Variants in RDH13 observed in about 807,000 individuals in gnomAD.
RDH13 encodes the protein retinol dehydrogenase 13 (all-trans and 9-cis).
Under a neutral mutation model 28.3 loss-of-function variants are expected in RDH13, and 35 were observed. The ratio of observed to expected loss-of-function variants is 1.24; its 90% CI spans 0.95 to 1.64. RDH13 has a LOEUF of 1.64. Ranked by LOEUF, RDH13 falls within the 40% of genes most tolerant of loss-of-function variation. The pLI, the probability that RDH13 is intolerant of heterozygous loss-of-function variation, is 0.00. For missense variants in RDH13, 514 were observed against 446.3 expected, an observed-to-expected ratio of 1.15 and a Z score of -1.37; for synonymous variants, 229 against 198.5, an observed-to-expected ratio of 1.15 and a Z score of -1.29.
chr19:55,066,609 CCTCT>C (rs1431271300), upstream of RDH13, among the ~76,000 whole-genome samples: 1 of 148,832 alleles, frequency 6.7e-6, no homozygotes. Context: ...CTTTTTTCTT[CCTCT>C]CTTCTTGTCT....
intron 2 of RDH13, among the ~76,000 whole-genome samples, chr19:55,058,402 C>A (rs778530731): frequency 2.5e-4 from 37 of 150,540 alleles, no homozygotes; most frequent in African/African-American, 8.8e-4. Context: ...AAAAAAAAAA[C>A]AATAATAATA....
chr19:55,060,862 G>A (rs2075787370), intron 1 of RDH13, among the ~76,000 whole-genome samples: 1 of 151,394 alleles, frequency 6.6e-6, no homozygotes, highest in South Asian at 2.1e-4. Context: ...CCCGCTGCAC[G>A]AGATTCCCAA....
intron 3 of RDH13, among the ~76,000 whole-genome samples, chr19:55,048,974 G>C (rs2075337209): frequency 6.6e-6 from 1 of 152,158 alleles, no homozygotes; most frequent in South Asian, 2.1e-4. Context: ...AACAGAGACA[G>C]AGACACATGG....
chr19:55,050,107 A>G, intron 3 of RDH13, among the ~76,000 whole-genome samples: 1 of 122,226 alleles, frequency 8.2e-6, no homozygotes, highest in Non-Finnish European at 1.7e-5. Context: ...CACTGCCCCC[A>G]GCCTATTTTT....
intron 3 of RDH13, among the ~76,000 whole-genome samples, chr19:55,050,190 C>T (rs2075384603): frequency 6.6e-6 from 1 of 151,580 alleles, no homozygotes; most frequent in Non-Finnish European, 1.5e-5. Flanking sequence ...GATCTTGGCT[C>T]ACTGCAACCT....
At chr19:55,052,204 A>G (rs1301794033) in intron 3 of RDH13, among the ~76,000 whole-genome samples, 3 of 151,300 alleles carry the variant, frequency 2.0e-5, no homozygotes, top group Admixed American at 6.6e-5. Flanking sequence ...AGATCACCTG[A>G]GGTCAACCAG....
chr19:55,048,281 T>A, intron 5 of RDH13, 48 bp downstream of exon 5: 2 of 1,610,602 alleles, frequency 1.2e-6, no homozygotes, highest in Non-Finnish European at 1.7e-6. Flanking sequence ...AAGGCCGCTC[T>A]AGGCTCAGAG....
In RDH13 at chr19:55,047,445, C is replaced by T. The variant is rs1403392931; in HGVS notation, c.702G>A (p.Arg234=). ...TGCCCGTGTGTCTGCCCAGCTCTGT[C>T]CTGGCCACGCCGGGGTGCAGGGCGT... is the stretch of plus-strand genomic sequence containing the variant. The part of the protein sequence containing the change: ...TVNALHPGVA[R]TELGRHTGIH... The change falls in exon 6 of 7, where the codon AGG becomes AGA. Residue 234 remains arginine, a synonymous_variant. Transcript: ENST00000415061. 3.7e-6 allele frequency: 6 copies of T among 1,610,760 alleles called. No homozygotes were observed. Among genetic ancestry groups the T allele is most frequent in the South Asian group, 1.1e-5 (1 of 91,030 alleles).
Position 55,048,322 on chromosome 19 carries a change from C to A in RDH13, c.658+7G>T. The A allele has an allele frequency of 6.2e-7, 1 of 1,614,056 alleles. No individual in the cohort carries two copies. Among genetic ancestry groups the A allele is most frequent in the South Asian group, 1.1e-5 (1 of 91,084 alleles). ...CAAGAGGGAGGCCGAGCCTAGCGCCCCCGTACCTTGCAGCCGCCGGCTCAG... is the reference window on the plus strand; with the variant it reads ...CAAGAGGGAGGCCGAGCCTAGCGCCACCGTACCTTGCAGCCGCCGGCTCAG... On this transcript the variant is annotated splice_region_variant and intron_variant, in intron 5 of 6. Transcript: ENST00000415061.
downstream of RDH13, chr19:55,041,962 G>C (rs1370434779): frequency 6.6e-6 from 1 of 152,052 alleles, no homozygotes; most frequent in African/African-American, 2.4e-5. Flanking sequence ...AATGAAGATA[G>C]AGCACTTCCA....
chr19:55,063,978 G>C (rs987297308), upstream of RDH13: 1 of 152,204 alleles, frequency 6.6e-6, no homozygotes, highest in African/African-American at 2.4e-5. Context: ...GACTGTGCCT[G>C]AGGTGCCAGG....
In RDH13 at chr19:55,048,321, C is replaced by T. The variant is rs758531824; in HGVS notation, c.658+8G>A. The T allele has an allele frequency of 1.2e-6, 2 of 1,614,042 alleles. No homozygotes were observed. The highest frequency in any genetic ancestry group is 1.1e-5 in the South Asian group (1 of 91,084). On this transcript the variant is annotated splice_region_variant and intron_variant, in intron 5 of 6. Transcript: ENST00000415061. Reference sequence around the variant, plus strand: ...GCAAGAGGGAGGCCGAGCCTAGCGCCCCCGTACCTTGCAGCCGCCGGCTCA... The same window carrying T: ...GCAAGAGGGAGGCCGAGCCTAGCGCTCCCGTACCTTGCAGCCGCCGGCTCA...
chr19:55,047,168 C>A (rs909718110), intron 6 of RDH13: 1 of 1,396,958 alleles, frequency 7.2e-7, no homozygotes. Flanking sequence ...ACGGTTTTCT[C>A]ATCCGCCAGC....
rs769447058 is a variant in RDH13 at position 55,056,660 on chromosome 19, G to A, written c.333C>T (p.Ile111=). The change falls in exon 3 of 7, where the codon ATC becomes ATT. Residue 111 remains isoleucine (I), a synonymous_variant. Coordinates refer to ENST00000415061, the MANE Select transcript of RDH13 (RefSeq NM_001145971.2). ...LKSIREFAAK[I]IEEEERVDIL... is the part of the protein sequence containing the mutation. The stretch of plus-strand genomic sequence containing the variant: ...TGGCCAGCGTTCTCCTACCTTCAAT[G>A]ATCTTTGCTGCAAACTCTCGGATAG... The A allele has an allele frequency of 1.5e-4, 240 of 1,613,794 alleles. No homozygotes were observed. Among genetic ancestry groups the A allele is most frequent in the Non-Finnish European group, 2.0e-4 (231 of 1,179,986 alleles).
intron 6 of RDH13, among the ~76,000 whole-genome samples, chr19:55,045,839 G>A (rs998791240): frequency 2.6e-5 from 4 of 151,348 alleles, no homozygotes; most frequent in Non-Finnish European, 4.4e-5. Flanking sequence ...CCAGCTGCTC[G>A]GGAGGCTGGG....
At chr19:55,064,979 G>A (rs1046494956), upstream of RDH13, among the ~76,000 whole-genome samples, 9 of 149,470 alleles carry the variant, frequency 6.0e-5, no homozygotes, top group South Asian at 2.1e-4. Context: ...GAAGGTGGAC[G>A]GTGGTGATGG....
chr19:55,057,434 C>T (rs62122057), intron 2 of RDH13, among the ~76,000 whole-genome samples: 178 of 90,342 alleles, frequency 2.0e-3, no homozygotes, highest in Middle Eastern at 6.7e-3. Flanking sequence ...CCCATCCTCT[C>T]CTTTTTTTTT....
intron 3 of RDH13, among the ~76,000 whole-genome samples, chr19:55,052,148 G>A (rs1422516228): frequency 6.6e-6 from 1 of 150,734 alleles, no homozygotes; most frequent in African/African-American, 2.4e-5. Flanking sequence ...GCCGGGCGTG[G>A]TGGCTCACAT....
intron 5 of RDH13, chr19:55,048,075 C>A: frequency 6.7e-7 from 1 of 1,490,718 alleles, no homozygotes. Context: ...GAGCTGCCTG[C>A]CCAACAGCAG....
Sources: gnomAD v4.1 joint callset for allele counts (sites outside exome capture counted in the v4.1 genomes callset) on GRCh38, gnomAD v4.1.1 for gene constraint, MANE v1.5 for transcripts, NCBI Gene and HGNC (gene_info 2026-07-23, HGNC 2026-07-21) for gene names.